NEXMIF: variants seen among roughly 807,000 people sequenced by gnomAD.
NEXMIF encodes neurite extension and migration factor.
In NEXMIF, 8 loss-of-function variants were observed where a neutral mutation model predicts 62.1. The ratio of observed to expected loss-of-function variants is 0.13; its 90% confidence interval spans 0.08 to 0.23. The LOEUF is 0.23. Ranked by LOEUF, NEXMIF falls within the 10% of genes least tolerant of loss-of-function variation. The pLI is 1.00. For synonymous variants in NEXMIF, 404 were observed against 416.6 expected (o/e 0.97, Z 0.37); for missense variants, 976 against 1,113.3 (o/e 0.88, Z 1.75).
At chrX:74,857,110 A>G (rs1245778049) in intron 1 of NEXMIF, among the ~76,000 whole-genome samples, 1 of 112,076 alleles carries the variant, frequency 8.9e-6, no homozygotes, top group East Asian at 2.8e-4. Context: ...TGCAACTCCT[A>G]GGTGAGTATG....
intron 1 of NEXMIF, among the ~76,000 whole-genome samples, chrX:74,791,547 G>A (rs2080282960): frequency 1.8e-5 from 2 of 111,660 alleles, no homozygotes; most frequent in Non-Finnish European, 3.8e-5. Context: ...GTTTCAGAAG[G>A]AATGGTACCA....
At chrX:74,878,852 G>A (rs962551474) in intron 1 of NEXMIF, among the ~76,000 whole-genome samples, 4 of 112,173 alleles carry the variant, frequency 3.6e-5, no homozygotes, top group African/African-American at 6.5e-5. Context: ...TTCAGCTCGC[G>A]CATGGTGCGC....
At chrX:74,796,078 A>T (rs188298851) in intron 1 of NEXMIF, among the ~76,000 whole-genome samples, 2 of 88,025 alleles carry the variant, frequency 2.3e-5, no homozygotes, top group East Asian at 7.0e-4. Flanking sequence ...AGAGTTAGAG[A>T]CATCAATATA....
chrX:74,876,968 A>C (rs747997481), intron 1 of NEXMIF, among the ~76,000 whole-genome samples: 1 of 111,498 alleles, frequency 9.0e-6, no homozygotes, highest in South Asian at 3.8e-4. Flanking sequence ...GTGTCTTTTA[A>C]TTGGAGCATT....
intron 1 of NEXMIF, among the ~76,000 whole-genome samples, chrX:74,763,675 T>C (rs2080184898): frequency 1.9e-5 from 2 of 107,696 alleles, no homozygotes; most frequent in Non-Finnish European, 3.8e-5. Context: ...CTTAAAGAGG[T>C]CCTTCACATC....
chrX:74,766,361 C>T (rs778838151), intron 1 of NEXMIF, among the ~76,000 whole-genome samples: 1 of 112,223 alleles, frequency 8.9e-6, no homozygotes, highest in Non-Finnish European at 1.9e-5. Flanking sequence ...CCCTTCCTTT[C>T]AGAAATGCCA....
At chrX:74,858,182 C>T (rs2080542353) in intron 1 of NEXMIF, among the ~76,000 whole-genome samples, 1 of 111,902 alleles carries the variant, frequency 8.9e-6, no homozygotes, top group Admixed American at 9.4e-5. Flanking sequence ...AGGCAGTAGC[C>T]AGGCAGTATT....
intron 1 of NEXMIF, among the ~76,000 whole-genome samples, chrX:74,844,720 T>C (rs1186024463): frequency 8.9e-6 from 1 of 112,169 alleles, no homozygotes; most frequent in Non-Finnish European, 1.9e-5. Context: ...AACTGTACCA[T>C]AACTGCAAAA....
At chrX:74,887,767 C>T (rs532235027) in intron 1 of NEXMIF, among the ~76,000 whole-genome samples, 1 of 111,659 alleles carries the variant, frequency 9.0e-6, no homozygotes, top group African/African-American at 3.3e-5. Context: ...GAACTAGAAA[C>T]ACCATTGACC....
At chrX:74,879,384 C>T (rs904597991) in intron 1 of NEXMIF, among the ~76,000 whole-genome samples, 9 of 111,826 alleles carry the variant, frequency 8.0e-5, no homozygotes, top group African/African-American at 2.6e-4. Context: ...CACCTGAACA[C>T]GTTATAATTA....
At chrX:74,878,953 G>A (rs1023343950) in intron 1 of NEXMIF, among the ~76,000 whole-genome samples, 4 of 112,677 alleles carry the variant, frequency 3.5e-5, no homozygotes, top group Middle Eastern at 4.6e-3. Context: ...CGTCTTCTGC[G>A]TCGCTCATGC....
chrX:74,794,601 C>T (rs754831141), intron 1 of NEXMIF, among the ~76,000 whole-genome samples: 1 of 112,257 alleles, frequency 8.9e-6, no homozygotes, highest in East Asian at 2.8e-4. Context: ...AGTTTGATCT[C>T]GGACTGCTGT....
chrX:74,742,302 T>C lies in NEXMIF; in HGVS notation c.2255A>G (p.Asn752Ser). The change falls in exon 3 of 4, where the codon AAC becomes AGC. Residue 752 changes from asparagine to serine, a missense_variant. This residue lies in a region of NEXMIF where 639 missense variants were observed against 694.5 expected (regional missense o/e 0.92). Coordinates refer to ENST00000055682, the MANE Select transcript of NEXMIF (RefSeq NM_001008537.3). The part of the protein sequence containing the change: ...PIVQMSPLLE[N>S]QSSKANLKNE... ...CTTTAAATTAGCCTTTGAGGATTGG[T>C]TTTCCAAGAGAGGGCTCATTTGAAC... 8.3e-7 allele frequency: 1 copy of C among 1,211,519 alleles called. No individual in the cohort carries two copies. Among genetic ancestry groups the C allele is most frequent in the Non-Finnish European group, 1.1e-6 (1 of 895,368 alleles).
chrX:74,774,269 G>A (rs1337838682), intron 1 of NEXMIF, among the ~76,000 whole-genome samples: 1 of 111,579 alleles, frequency 9.0e-6, no homozygotes, highest in Non-Finnish European at 1.9e-5. Context: ...ATTTACAGAT[G>A]AGAAAACTAA....
intron 1 of NEXMIF, among the ~76,000 whole-genome samples, chrX:74,915,872 C>T (rs2080804870): frequency 9.0e-6 from 1 of 111,138 alleles, no homozygotes; most frequent in Admixed American, 9.6e-5. Context: ...TAAATATAGC[C>T]CTGCCTACAC....
At chrX:74,777,957 C>T (rs2080233522) in intron 1 of NEXMIF, among the ~76,000 whole-genome samples, 1 of 111,587 alleles carries the variant, frequency 9.0e-6, no homozygotes. Flanking sequence ...AATCCACTGA[C>T]CTCCACTCTC....
intron 1 of NEXMIF, among the ~76,000 whole-genome samples, chrX:74,812,198 G>A (rs1410995911): frequency 8.9e-6 from 1 of 112,026 alleles, no homozygotes; most frequent in African/African-American, 3.2e-5. Flanking sequence ...CATCTTAGAA[G>A]TTATTTTATT....
chrX:74,892,383 A>G (rs2080720634), intron 1 of NEXMIF, among the ~76,000 whole-genome samples: 1 of 111,932 alleles, frequency 8.9e-6, no homozygotes, highest in African/African-American at 3.2e-5. Flanking sequence ...TAAAACATCT[A>G]AATTTTTCTT....
intron 1 of NEXMIF, among the ~76,000 whole-genome samples, chrX:74,793,260 T>G (rs868076597): frequency 8.2e-5 from 9 of 110,401 alleles, no homozygotes; most frequent in Non-Finnish European, 1.3e-4. Context: ...GATATGAAAT[T>G]CTGGGTTGAA....
Sources: allele counts gnomAD v4.1 joint callset (sites outside exome capture counted in the v4.1 genomes callset), GRCh38; gene constraint gnomAD v4.1.1; regional missense constraint gnomAD v4.1.1; transcripts MANE v1.5; gene names NCBI Gene and HGNC (gene_info 2026-07-23, HGNC 2026-07-21).